Variants in IQCB1 observed in about 807,000 individuals in gnomAD.
IQCB1 encodes IQ calmodulin-binding motif-containing protein 1.
Under a neutral mutation model 84.4 loss-of-function variants are expected in IQCB1, and 56 were observed. The observed-to-expected ratio is 0.66, with a 90% CI of 0.54 to 0.83. The LOEUF (loss-of-function observed/expected upper bound fraction) is 0.83, where lower values mean the gene tolerates loss of function less well. IQCB1 is among the 40% of genes least tolerant of loss of function. The pLI is 0.00. For missense variants in IQCB1, 629 were observed against 682.1 expected (o/e 0.92, Z 0.87); for synonymous variants, 210 against 234.8 (o/e 0.89, Z 0.96).
At chr3:121,829,174 C>T (rs1950551808) in intron 2 of IQCB1, among the ~76,000 whole-genome samples, 1 of 152,152 alleles carries the variant, frequency 6.6e-6, no homozygotes, top group Admixed American at 6.6e-5. Flanking sequence ...GATTCCTATA[C>T]CTCACATGTA....
At chr3:121,825,061 C>CCTTT (rs1553721685) in intron 5 of IQCB1, among the ~76,000 whole-genome samples, 3 of 83,776 alleles carry the variant, frequency 3.6e-5, no homozygotes. Context: ...TTTTTCTTTT[C>CCTTT]TTTTTTTTTT....
intron 13 of IQCB1, among the ~76,000 whole-genome samples, chr3:121,773,831 T>C (rs1948108703): frequency 6.6e-6 from 1 of 151,916 alleles, no homozygotes; most frequent in African/African-American, 2.4e-5. Context: ...AAAAGCATCA[T>C]GACATTGGTT....
chr3:121,831,469 G>A (rs1281560668), intron 2 of IQCB1, among the ~76,000 whole-genome samples: 2 of 152,104 alleles, frequency 1.3e-5, no homozygotes, highest in East Asian at 3.8e-4. Context: ...TACACCCCAA[G>A]GTGTGTATTA....
At chr3:121,784,852 T>A (rs1017905095) in intron 12 of IQCB1, among the ~76,000 whole-genome samples, 4 of 152,058 alleles carry the variant, frequency 2.6e-5, no homozygotes, top group Non-Finnish European at 5.9e-5. Flanking sequence ...CAGCTAATTT[T>A]TTATAGAGAA....
In IQCB1 at chr3:121,818,913, G is replaced by C. The variant is rs531679097; in HGVS notation, c.393+7138C>G. ...CTGGAAATATGTTGTGAGGGTGGAA[G>C]CAAACAGCAACTTTTAAAAGCGCCT... On this transcript the variant is annotated intron_variant, in intron 5 of 14. Transcript: ENST00000310864. Among the ~76,000 whole-genome samples, 4 of 145,244 alleles carry C rather than the reference G, an allele frequency of 2.8e-5. No homozygotes were observed. In the South Asian group the frequency reaches 8.4e-4, roughly 30 times the overall value.
At chr3:121,783,863 A>G (rs1948603973) in intron 12 of IQCB1, among the ~76,000 whole-genome samples, 1 of 152,090 alleles carries the variant, frequency 6.6e-6, no homozygotes, top group African/African-American at 2.4e-5. Context: ...CTTATCTTTA[A>G]TTAATAATTT....
Position 121,772,605 on chromosome 3 carries a change from T to C in IQCB1, c.1519A>G (p.Arg507Gly). ...RALEERAQQH[R>G]EALIAQISTN... ...CTGATCTGTGCTATCAGAGCTTCTC[T>C]GTGCTGCTGGGCTCGCTCTTCTAGG... Residue 507 changes from arginine (R) to glycine (G), a missense_variant, in exon 14 of 15, where the codon AGA (arginine) becomes GGA (glycine). Physicochemically the swap from Arg to Gly is moderately radical, Grantham distance 125 (BLOSUM62 -2). Coordinates refer to ENST00000310864, the MANE Select transcript of IQCB1 (RefSeq NM_001023570.4). 1 of 1,613,944 alleles carries C rather than the reference T, an allele frequency of 6.2e-7. No individual in the cohort carries two copies. The highest frequency in any genetic ancestry group is 8.5e-7 in the Non-Finnish European group (1 of 1,179,742).
At chr3:121,805,478 C>T (rs1949570064) in intron 7 of IQCB1, among the ~76,000 whole-genome samples, 1 of 152,142 alleles carries the variant, frequency 6.6e-6, no homozygotes, top group Admixed American at 6.6e-5. Context: ...GTATAACCTA[C>T]AATAAAATTA....
Position 121,826,125 on chromosome 3 carries a change from A to G in IQCB1, c.319T>C (p.Leu107=). 1 of 1,613,122 alleles carries G rather than the reference A, an allele frequency of 6.2e-7. No homozygotes were observed. Among genetic ancestry groups the G allele is most frequent in the Non-Finnish European group, 8.5e-7 (1 of 1,179,096 alleles). ...AAATTTTCTGCAGCTGATGGAAGTA[A>G]TTCATTGTAAAATTCCTCTGCATCT... ...GEDAEEFYNE[L]LPSAAENFLV... The change falls in exon 5 of 15, where the codon TTA becomes CTA. Residue 107 remains leucine (L), a synonymous_variant. Transcript: ENST00000310864.
At chr3:121,816,592 AG>A (rs1419683523) in intron 5 of IQCB1, among the ~76,000 whole-genome samples, 1 of 152,128 alleles carries the variant, frequency 6.6e-6, no homozygotes, top group Non-Finnish European at 1.5e-5. Context: ...ACCATCAAAA[AG>A]TGGGTGAAGG....
At chr3:121,785,773 A>G (rs955118687) in intron 12 of IQCB1, among the ~76,000 whole-genome samples, 2 of 152,172 alleles carry the variant, frequency 1.3e-5, no homozygotes, top group African/African-American at 2.4e-5. Flanking sequence ...CTTACAACAC[A>G]TTTCAATTTG....
Position 121,770,453 on chromosome 3 carries a change from G to C in IQCB1, c.1689C>G (p.Pro563=). The change falls in exon 15 of 15, where the codon CCC becomes CCG. Residue 563 remains proline, a synonymous_variant. Transcript: ENST00000310864. ...ATTCTTCTCCAAGCTTCTTCCACCA[G>C]GGTGCTTGTATGTGCTTCAGGGTTG... The part of the protein sequence containing the change: ...HLTTLKHIQA[P]WWKKLGEESG... The C allele has an allele frequency of 6.2e-7, 1 of 1,614,178 alleles. No individual in the cohort carries two copies. The highest frequency in any genetic ancestry group is 8.5e-7 in the Non-Finnish European group (1 of 1,179,986).
intron 2 of IQCB1, among the ~76,000 whole-genome samples, chr3:121,832,471 C>T (rs1193299715): frequency 1.6e-4 from 24 of 152,070 alleles, no homozygotes; most frequent in Admixed American, 1.0e-3. Flanking sequence ...GGATTACAGG[C>T]GTGTGCCAAC....
chr3:121,831,595 A>G (rs1437857167), intron 2 of IQCB1, among the ~76,000 whole-genome samples: 3 of 152,086 alleles, frequency 2.0e-5, no homozygotes, highest in Non-Finnish European at 4.4e-5. Context: ...AACCTAAGGG[A>G]TCTGACCCTA....
At chr3:121,793,154 A>G (rs1949059030) in intron 10 of IQCB1, among the ~76,000 whole-genome samples, 1 of 152,204 alleles carries the variant, frequency 6.6e-6, no homozygotes, top group Non-Finnish European at 1.5e-5. Flanking sequence ...ATGTAATTAA[A>G]ACACTTAAAA....
rs748890182 is a variant in IQCB1 at position 121,799,177 on chromosome 3, G to GA, written c.766+18dup. 9 of 1,584,172 alleles carry GA rather than the reference G, an allele frequency of 5.7e-6. No individual in the cohort carries two copies. Among genetic ancestry groups the GA allele is most frequent in the Non-Finnish European group, 2.6e-6 (3 of 1,158,212 alleles). The stretch of plus-strand genomic sequence containing the variant: ...TTTCTTTTTGAGAATCCCAAGAAAA[G>GA]AAAGAATGAATGTACTACCTTTGTA... On this transcript the variant is annotated intron_variant, in intron 8 of 14. Coordinates refer to ENST00000310864, the MANE Select transcript of IQCB1 (RefSeq NM_001023570.4).
chr3:121,818,137 A>G (rs1038291441), intron 5 of IQCB1, among the ~76,000 whole-genome samples: 1 of 152,252 alleles, frequency 6.6e-6, no homozygotes, highest in Non-Finnish European at 1.5e-5. Context: ...ACAGTTGTGA[A>G]TCTGCTCAAG....
chr3:121,793,036 G>A (rs1181082758), intron 10 of IQCB1, among the ~76,000 whole-genome samples: 7 of 152,310 alleles, frequency 4.6e-5, no homozygotes, highest in African/African-American at 1.7e-4. Flanking sequence ...CCATTAAAGT[G>A]GGAGTTGACC....
chr3:121,778,537 T>TA (rs934450005), intron 13 of IQCB1, among the ~76,000 whole-genome samples: 1 of 151,814 alleles, frequency 6.6e-6, no homozygotes, highest in African/African-American at 2.4e-5. Context: ...AAAAGTCTTT[T>TA]TTTTTTTAAC....
Sources: allele counts gnomAD v4.1 joint callset (sites outside exome capture counted in the v4.1 genomes callset), GRCh38; gene constraint gnomAD v4.1.1; transcripts MANE v1.5; gene names NCBI Gene and HGNC (gene_info 2026-07-23, HGNC 2026-07-21).